MAML3: variants seen among roughly 807,000 people sequenced by gnomAD.
MAML3 encodes mastermind-like protein 3.
MAML3 carries 27 observed loss-of-function variants against 101.9 expected under a neutral mutation model. That is an observed-to-expected ratio of 0.27 (90% CI 0.20 to 0.37). The LOEUF is 0.37. MAML3 is among the 10% of genes least tolerant of loss of function. MAML3 has a pLI of 1.00. For missense variants in MAML3, 1,316 were observed against 1,444.9 expected, an observed-to-expected ratio of 0.91 and a Z score of 1.45; for synonymous variants, 501 against 555.9, an observed-to-expected ratio of 0.90 and a Z score of 1.39.
At position 139,961,490 on chromosome 4, in the gene MAML3, C is replaced by T. The variant is rs17005302; in HGVS notation, c.469-70523G>A. 4.9e-3 allele frequency among the ~76,000 whole-genome samples: 746 copies of T among 152,284 alleles called. 7 individuals carry two copies. The highest frequency in any genetic ancestry group is 0.016 in the African/African-American group (678 of 41,568). ...GACCCAGTCAATTCCATCATCCTGGCAAGGTCCCACAATGAGCCTGTTGTG... is the reference window on the plus strand; with the variant it reads ...GACCCAGTCAATTCCATCATCCTGGTAAGGTCCCACAATGAGCCTGTTGTG... On this transcript the variant is annotated intron_variant, in intron 1 of 4. Transcript: ENST00000509479.
intron 2 of MAML3, among the ~76,000 whole-genome samples, chr4:139,836,253 G>A (rs1020957674): frequency 6.6e-6 from 1 of 152,190 alleles, no homozygotes; most frequent in Non-Finnish European, 1.5e-5. Flanking sequence ...AGGTGTTATA[G>A]AGACCAGACA....
At chr4:139,862,297 T>C (rs181826769) in intron 2 of MAML3, among the ~76,000 whole-genome samples, 1 of 152,292 alleles carries the variant, frequency 6.6e-6, no homozygotes, top group East Asian at 1.9e-4. Context: ...GTGGCCTGTA[T>C]TTTGACATTT....
chr4:139,877,633 A>G (rs1732141274), intron 2 of MAML3, among the ~76,000 whole-genome samples: 1 of 152,350 alleles, frequency 6.6e-6, no homozygotes, highest in East Asian at 1.9e-4. Flanking sequence ...CAAAAAGCCC[A>G]ACCATAAAGC....
chr4:139,893,937 C>A (rs1732553951), intron 1 of MAML3, among the ~76,000 whole-genome samples: 1 of 152,012 alleles, frequency 6.6e-6, no homozygotes. Context: ...AGTGACTTTA[C>A]ATAGTTGCAG....
chr4:139,749,985 A>G (rs1729453936), intron 2 of MAML3, among the ~76,000 whole-genome samples: 1 of 151,836 alleles, frequency 6.6e-6, no homozygotes, highest in Admixed American at 6.6e-5. Context: ...CATTTCATTA[A>G]TATGGATGGA....
At chr4:139,766,560 GA>G (rs1170950954) in intron 2 of MAML3, among the ~76,000 whole-genome samples, 3 of 152,142 alleles carry the variant, frequency 2.0e-5, no homozygotes, top group Non-Finnish European at 4.4e-5. Flanking sequence ...TAAACAACCA[GA>G]AACCATGACA....
chr4:139,754,689 A>G (rs545718157), intron 2 of MAML3, among the ~76,000 whole-genome samples: 1 of 152,342 alleles, frequency 6.6e-6, no homozygotes, highest in East Asian at 1.9e-4. Flanking sequence ...ACCCTCTGGA[A>G]AGATATGACC....
At chr4:139,852,412 T>TG (rs1423727031) in intron 2 of MAML3, among the ~76,000 whole-genome samples, 9 of 135,192 alleles carry the variant, frequency 6.7e-5, no homozygotes, top group Non-Finnish European at 1.3e-4. Flanking sequence ...TGTTTTTTTT[T>TG]TTTTTTTTTT....
chr4:140,106,567 TA>T (rs1247316214), intron 1 of MAML3, among the ~76,000 whole-genome samples: 1 of 152,234 alleles, frequency 6.6e-6, no homozygotes, highest in African/African-American at 2.4e-5. Flanking sequence ...AAAAAATCAG[TA>T]TTTCCAAATA....
chr4:139,772,764 G>T (rs1442854944), intron 2 of MAML3, among the ~76,000 whole-genome samples: 6 of 152,018 alleles, frequency 3.9e-5, no homozygotes, highest in Admixed American at 2.0e-4. Flanking sequence ...TTCAAGCAGA[G>T]GCTGGAAAGC....
At chr4:140,122,791 C>CA (rs35276329) in intron 1 of MAML3, among the ~76,000 whole-genome samples, 17 of 82,904 alleles carry the variant, frequency 2.1e-4, no homozygotes, top group African/African-American at 5.0e-4. Flanking sequence ...GACTCCGTCT[C>CA]AAAAAAAAAA....
At chr4:140,092,757 G>T (rs1410577616) in intron 1 of MAML3, among the ~76,000 whole-genome samples, 2 of 152,160 alleles carry the variant, frequency 1.3e-5, no homozygotes, top group Non-Finnish European at 2.9e-5. Context: ...TGGGAGCTTG[G>T]AAGGTATTCT....
At chr4:140,030,712 C>T (rs1486797071) in intron 1 of MAML3, among the ~76,000 whole-genome samples, 1 of 152,204 alleles carries the variant, frequency 6.6e-6, no homozygotes. Context: ...TGCGGAGATA[C>T]AAGCACACAC....
chr4:140,069,335 GGAGA>G (rs1727590949), intron 1 of MAML3, among the ~76,000 whole-genome samples: 1 of 111,116 alleles, frequency 9.0e-6, no homozygotes, highest in African/African-American at 3.1e-5. Flanking sequence ...AGAAGGAGAA[GGAGA>G]AGGAGAAGGA....
In MAML3 at chr4:139,774,412, A is replaced by G. The variant is rs78526625; in HGVS notation, c.2080-43745T>C. On this transcript the variant is annotated intron_variant, in intron 2 of 4. Transcript: ENST00000509479. ...GTGGCTGGCACGTAGTAGGAGTTCAATCCATATCTGCCAAAAGGATAAAGG... is the reference window on the plus strand; with the variant it reads ...GTGGCTGGCACGTAGTAGGAGTTCAGTCCATATCTGCCAAAAGGATAAAGG... Among the ~76,000 whole-genome samples the G allele has an allele frequency of 3.5e-4, 53 of 152,340 alleles. 2 individuals are homozygous for G. In the East Asian group the frequency reaches 9.7e-3, roughly 28 times the overall value.
chr4:139,971,861 A>G (rs183372823), intron 1 of MAML3, among the ~76,000 whole-genome samples: 84 of 152,226 alleles, frequency 5.5e-4, no homozygotes, highest in Admixed American at 1.4e-3. Flanking sequence ...CTTGGAATGG[A>G]CCTTTCTCAT....
intron 2 of MAML3, among the ~76,000 whole-genome samples, chr4:139,887,910 T>C (rs1732374774): frequency 6.6e-6 from 1 of 152,232 alleles, no homozygotes; most frequent in South Asian, 2.1e-4. Context: ...CAATGGTATA[T>C]ATTCTTAATG....
chr4:139,737,833 C>G (rs573198296), intron 2 of MAML3, among the ~76,000 whole-genome samples: 1 of 152,198 alleles, frequency 6.6e-6, no homozygotes, highest in South Asian at 2.1e-4. Flanking sequence ...AAGGGCCCAC[C>G]CCATCTAATA....
At chr4:139,944,016 G>A (rs1049731556) in intron 1 of MAML3, among the ~76,000 whole-genome samples, 6 of 151,480 alleles carry the variant, frequency 4.0e-5, no homozygotes, top group East Asian at 1.9e-4. Flanking sequence ...GACTACAGGC[G>A]TGCGCCACCA....
Sources: gnomAD v4.1 joint callset for allele counts (sites outside exome capture counted in the v4.1 genomes callset) on GRCh38, gnomAD v4.1.1 for gene constraint, MANE v1.5 for transcripts, NCBI Gene and HGNC (gene_info 2026-07-23, HGNC 2026-07-21) for gene names.